UNC79: variants seen among roughly 807,000 people sequenced by gnomAD.
UNC79 encodes the protein protein unc-79 homolog.
Under a neutral mutation model 283.1 loss-of-function variants are expected in UNC79, and 37 were observed. The ratio of observed to expected loss-of-function variants is 0.13; its 90% CI spans 0.10 to 0.17. The LOEUF is 0.17. Among genes scored for constraint, UNC79 ranks in the 10% least tolerant of loss-of-function variants. UNC79 has a pLI of 1.00. For missense variants in UNC79, 2,272 were observed against 3,211.1 expected, an observed-to-expected ratio of 0.71 and a Z score of 7.07; for synonymous variants, 1,107 against 1,200.2, an observed-to-expected ratio of 0.92 and a Z score of 1.61.
chr14:93,434,871 G>A (rs1160806816), intron 1 of UNC79, among the ~76,000 whole-genome samples: 1 of 152,082 alleles, frequency 6.6e-6, no homozygotes, highest in Non-Finnish European at 1.5e-5. Flanking sequence ...AAAACCTTAT[G>A]CTTGCTGCCA....
chr14:93,373,101 A>G (rs1001716852), intron 1 of UNC79, among the ~76,000 whole-genome samples: 2 of 152,234 alleles, frequency 1.3e-5, no homozygotes, highest in African/African-American at 2.4e-5. Context: ...GAGAAATTAA[A>G]GTATATTTTG....
intron 47 of UNC79, among the ~76,000 whole-genome samples, chr14:93,695,829 T>G (rs2075056347): frequency 7.2e-6 from 1 of 139,216 alleles, no homozygotes; most frequent in African/African-American, 2.7e-5. Flanking sequence ...AGGTGGAGGT[T>G]GCAGTGAGCC....
intron 6 of UNC79, among the ~76,000 whole-genome samples, chr14:93,496,680 G>A (rs2059029076): frequency 6.6e-6 from 1 of 152,168 alleles, no homozygotes; most frequent in African/African-American, 2.4e-5. Context: ...GACGGATAAA[G>A]TAATTGAATG....
intron 27 of UNC79, among the ~76,000 whole-genome samples, chr14:93,616,773 G>A (rs373233648): frequency 7.9e-5 from 12 of 152,046 alleles, no homozygotes; most frequent in Non-Finnish European, 1.2e-4. Context: ...ATTGCCGGTC[G>A]TCTAGGAATT....
chr14:93,433,966 C>G (rs1473478104), intron 1 of UNC79, among the ~76,000 whole-genome samples: 1 of 152,152 alleles, frequency 6.6e-6, no homozygotes, highest in East Asian at 1.9e-4. Flanking sequence ...GTAATCCCAG[C>G]ACTTTGGGAG....
At chr14:93,602,068 G>A (rs915334149) in intron 25 of UNC79, among the ~76,000 whole-genome samples, 8 of 152,096 alleles carry the variant, frequency 5.3e-5, no homozygotes, top group East Asian at 3.9e-4. Context: ...TTTACTCTGC[G>A]GATTATTTTG....
intron 25 of UNC79, among the ~76,000 whole-genome samples, chr14:93,601,872 CAT>C (rs772881730): frequency 1.3e-5 from 2 of 152,006 alleles, no homozygotes; most frequent in East Asian, 3.9e-4. Context: ...AGCATTTTTT[CAT>C]ATGTTTGTTG....
In UNC79 at chr14:93,438,250, T is replaced by C. The variant is rs2056164653; in HGVS notation, c.22+7199T>C. Among the ~76,000 whole-genome samples, 5 of 152,174 alleles carry C rather than the reference T, an allele frequency of 3.3e-5. No individual in the cohort carries two copies. The South Asian group carries it at 8.3e-4, about 25-fold the overall frequency. On this transcript the variant is annotated intron_variant, in intron 1 of 48. Coordinates refer to ENST00000555664, the Ensembl canonical transcript of UNC79. Reference sequence around the variant, plus strand: ...TATTTTAAATGTGAGTTTCACTAGATACAAATCTATCCTGTCATGGTACCA... The same window carrying C: ...TATTTTAAATGTGAGTTTCACTAGACACAAATCTATCCTGTCATGGTACCA...
chr14:93,447,457 A>T (rs2056496676), intron 1 of UNC79, among the ~76,000 whole-genome samples: 1 of 152,024 alleles, frequency 6.6e-6, no homozygotes, highest in African/African-American at 2.4e-5. Context: ...TATGTTATAA[A>T]CCCCACAAGA....
intron 27 of UNC79, among the ~76,000 whole-genome samples, chr14:93,615,977 C>T (rs1185538892): frequency 4.6e-5 from 7 of 151,974 alleles, no homozygotes; most frequent in African/African-American, 1.7e-4. Flanking sequence ...GATATATATG[C>T]CACCTTTTTA....
chr14:93,538,050 G>T (rs145056871), exon 12 of UNC79: 1 of 1,614,144 alleles, frequency 6.2e-7, no homozygotes, highest in Non-Finnish European at 8.5e-7. Context: ...TGCTGTGGTC[G>T]TCACGGAAAC....
intron 1 of UNC79, among the ~76,000 whole-genome samples, chr14:93,378,538 A>T (rs1291134914): frequency 6.6e-6 from 1 of 152,002 alleles, no homozygotes; most frequent in Non-Finnish European, 1.5e-5. Context: ...TATCTTGGAG[A>T]TAGGATCTAA....
At chr14:93,553,498 G>T (rs191875830) in intron 14 of UNC79, among the ~76,000 whole-genome samples, 2 of 152,228 alleles carry the variant, frequency 1.3e-5, no homozygotes, top group South Asian at 2.1e-4. Flanking sequence ...GAGTCCTTTA[G>T]CTGATTATAA....
chr14:93,422,753 A>G (rs1483151908), intron 1 of UNC79, among the ~76,000 whole-genome samples: 2 of 152,172 alleles, frequency 1.3e-5, no homozygotes, highest in Non-Finnish European at 2.9e-5. Flanking sequence ...ATATGCCAAC[A>G]GCAAACAATC....
At position 93,361,130 on chromosome 14, in the gene UNC79, C is replaced by T. The variant is rs149653290; in HGVS notation, c.-351+27607C>T. Among the ~76,000 whole-genome samples, 401 of 141,394 alleles carry T rather than the reference C, an allele frequency of 2.8e-3. 1 individual carries two copies. The highest frequency in any genetic ancestry group is 9.9e-3 in the African/African-American group (377 of 37,968). The allele number at this position is 141,394 out of a possible 152,430, so 92.8% of individuals were successfully genotyped here. On this transcript the variant is annotated intron_variant, in intron 1 of 49. Coordinates refer to the UNC79 transcript ENST00000256339. ...TCAGGAGTCTGAGTTAGGAGAATCACGTGAACCTGAGGTGGAGGTTGCAGT... is the reference window on the plus strand; with the variant it reads ...TCAGGAGTCTGAGTTAGGAGAATCATGTGAACCTGAGGTGGAGGTTGCAGT...
chr14:93,601,570 T>C (rs1207643404), intron 25 of UNC79, among the ~76,000 whole-genome samples: 1 of 152,246 alleles, frequency 6.6e-6, no homozygotes, highest in East Asian at 1.9e-4. Context: ...AACATGCATG[T>C]GCAAATGTCT....
intron 1 of UNC79, among the ~76,000 whole-genome samples, chr14:93,393,802 C>T (rs1428139958): frequency 6.6e-6 from 1 of 152,150 alleles, no homozygotes; most frequent in Non-Finnish European, 1.5e-5. Context: ...AAAGTATTTG[C>T]TAACTGGCTT....
At position 93,515,740 on chromosome 14, in the gene UNC79, T is replaced by A. The variant is rs1401490137; in HGVS notation, c.899-8238T>A. ...TTTGCTCATTTTTAAATTGGGGTGTTTATTTTATTATCTTATTATATTGTA... is the reference window on the plus strand; with the variant it reads ...TTTGCTCATTTTTAAATTGGGGTGTATATTTTATTATCTTATTATATTGTA... On this transcript the variant is annotated intron_variant, in intron 7 of 48. Transcript: ENST00000555664. Among the ~76,000 whole-genome samples, 5 of 152,248 alleles carry A rather than the reference T, an allele frequency of 3.3e-5. No homozygotes were observed. The South Asian group carries it at 1.0e-3, about 32-fold the overall frequency.
At chr14:93,392,154 G>A (rs1021665504) in intron 1 of UNC79, among the ~76,000 whole-genome samples, 1 of 152,176 alleles carries the variant, frequency 6.6e-6, no homozygotes, top group African/African-American at 2.4e-5. Context: ...ATTACATTTG[G>A]TAATTTCAAA....
Sources: allele counts gnomAD v4.1 joint callset (sites outside exome capture counted in the v4.1 genomes callset), GRCh38; gene constraint gnomAD v4.1.1; transcripts MANE v1.5; gene names NCBI Gene and HGNC (gene_info 2026-07-23, HGNC 2026-07-21).